The following FOXN2 variants were observed in gnomAD, a reference collection of about 807,000 sequenced individuals.
The protein encoded by FOXN2 is forkhead box protein N2.
Under a neutral mutation model 41.2 loss-of-function variants are expected in FOXN2, and 19 were observed. That is an observed-to-expected ratio of 0.46 (90% confidence interval 0.32 to 0.68). The LOEUF is 0.68. Ranked by LOEUF, FOXN2 falls within the 30% of genes least tolerant of loss-of-function variation. FOXN2 has a pLI of 0.03. For missense variants in FOXN2, 587 were observed against 509.4 expected, an observed-to-expected ratio of 1.15 and a Z score of -1.47; for synonymous variants, 195 against 176.8, an observed-to-expected ratio of 1.10 and a Z score of -0.82.
intron 2 of FOXN2, chr2:48,340,731 A>G (rs1312852148): frequency 6.6e-6 from 1 of 152,174 alleles, no homozygotes; most frequent in African/African-American, 2.4e-5. Flanking sequence ...ACTATATCGC[A>G]AGTAATTGCA....
intron 4 of FOXN2, among the ~76,000 whole-genome samples, 157 bp from the exon 5 acceptor site, chr2:48,362,486 C>G (rs2104473941): frequency 6.6e-6 from 1 of 152,276 alleles, no homozygotes; most frequent in African/African-American, 2.4e-5. Flanking sequence ...GGAGGATCAC[C>G]TGAGCTCAGA....
chr2:48,316,137 T>C (rs572320300), intron 1 of FOXN2, among the ~76,000 whole-genome samples: 4 of 152,252 alleles, frequency 2.6e-5, no homozygotes, highest in African/African-American at 9.6e-5. Context: ...TTTATCTTGG[T>C]GGGAGAAGCT....
chr2:48,345,130 C>T (rs1007895340), intron 2 of FOXN2, among the ~76,000 whole-genome samples: 1 of 152,102 alleles, frequency 6.6e-6, no homozygotes, highest in Non-Finnish European at 1.5e-5. Context: ...ACAGTTCATA[C>T]CTTACTAAGA....
rs759137190 is a variant in FOXN2 at position 48,362,705 on chromosome 2, A to G, written c.701A>G (p.Lys234Arg). 4.3e-6 allele frequency: 7 copies of G among 1,612,732 alleles called. No individual in the cohort carries two copies. The Admixed American group carries it at 1.0e-4, about 23-fold the overall frequency. Residue 234 changes from lysine (K) to arginine (R), a missense_variant and splice_region_variant, in exon 5 of 7, where the codon AAA becomes AGA. Lys to Arg is a conservative substitution (Grantham distance 26). Coordinates refer to ENST00000340553, the MANE Select transcript of FOXN2 (RefSeq NM_002158.4). ...AAGCAGAACCAGGTGCGAAACCTCA[A>G]AGGTATGTGTGAATATCAGTACAGT... ...VIKQNQVRNL[K>R]ESDIDAAAAM...
intron 6 of FOXN2, among the ~76,000 whole-genome samples, chr2:48,374,245 C>CTAGG (rs1338809716): frequency 5.3e-5 from 8 of 151,930 alleles, no homozygotes; most frequent in Non-Finnish European, 1.2e-4. Context: ...AAATATATGA[C>CTAGG]TAGGTGGATC....
At chr2:48,359,277 T>C in intron 4 of FOXN2, 130 bp downstream of exon 4, 1 of 481,110 alleles carries the variant, frequency 2.1e-6, no homozygotes, top group Admixed American at 4.2e-5. Flanking sequence ...TTTATTTAGT[T>C]TTTAGTTTTT....
At chr2:48,323,679 G>A (rs961926620) in intron 1 of FOXN2, among the ~76,000 whole-genome samples, 1 of 152,000 alleles carries the variant, frequency 6.6e-6, no homozygotes, top group African/African-American at 2.4e-5. Flanking sequence ...TCCACATGTG[G>A]GTTCTCTTTA....
chr2:48,353,972 A>G (rs372230808), intron 3 of FOXN2, among the ~76,000 whole-genome samples: 3 of 152,028 alleles, frequency 2.0e-5, no homozygotes, highest in African/African-American at 7.2e-5. Context: ...TAGTGATTTT[A>G]TTCTTGAATT....
At chr2:48,373,439 G>A in intron 6 of FOXN2, 79 bp downstream of exon 6, 1 of 808,386 alleles carries the variant, frequency 1.2e-6, no homozygotes, top group Non-Finnish European at 2.0e-6. Context: ...AACTATTACA[G>A]ACAAAAATTA....
intron 3 of FOXN2, among the ~76,000 whole-genome samples, chr2:48,355,049 T>G (rs1460927203): frequency 1.3e-5 from 2 of 152,178 alleles, no homozygotes; most frequent in African/African-American, 4.8e-5. Context: ...TAGCAGATCA[T>G]ATTCTGATTT....
intron 1 of FOXN2, among the ~76,000 whole-genome samples, chr2:48,326,579 G>T (rs958754803): frequency 1.3e-5 from 2 of 152,152 alleles, no homozygotes; most frequent in African/African-American, 4.8e-5. Flanking sequence ...CACCATAGGG[G>T]TTTCCATTCA....
In FOXN2 at chr2:48,346,658, T is replaced by C; in HGVS notation, c.444T>C (p.Tyr148=). 6.2e-7 allele frequency: 1 copy of C among 1,614,126 alleles called. No individual in the cohort carries two copies. Among genetic ancestry groups the C allele is most frequent in the Non-Finnish European group, 8.5e-7 (1 of 1,179,992 alleles). ...GCTGGATTCTGGACCATTTTCCATATTTTGCTACTGCACCAACAGGCTGGA... is the reference window on the plus strand; with the variant it reads ...GCTGGATTCTGGACCATTTTCCATACTTTGCTACTGCACCAACAGGCTGGA... ...IYSWILDHFP[Y]FATAPTGWKN... is the part of the protein sequence containing the mutation. The change falls in exon 3 of 7, where the codon TAT becomes TAC. Residue 148 remains tyrosine, a synonymous_variant. Transcript: ENST00000340553.
chr2:48,324,194 ATTTTT>A (rs11407371), intron 1 of FOXN2, among the ~76,000 whole-genome samples: 1 of 132,354 alleles, frequency 7.6e-6, no homozygotes. Context: ...TTGCTCAGTA[ATTTTT>A]TTTTTTTTTT....
chr2:48,350,546 G>A (rs768209042), intron 3 of FOXN2, among the ~76,000 whole-genome samples: 14 of 152,210 alleles, frequency 9.2e-5, no homozygotes, highest in Non-Finnish European at 1.6e-4. Context: ...TTTTAGAGAA[G>A]AGTCCAGGAT....
intron 1 of FOXN2, among the ~76,000 whole-genome samples, chr2:48,317,958 C>G (rs1264362145): frequency 6.6e-6 from 1 of 152,022 alleles, no homozygotes; most frequent in East Asian, 1.9e-4. Context: ...GAAGGCTATC[C>G]CTGTCCTGCC....
At chr2:48,331,011 G>A (rs1669987285) in intron 2 of FOXN2, among the ~76,000 whole-genome samples, 1 of 152,108 alleles carries the variant, frequency 6.6e-6, no homozygotes. Context: ...CTTCTTTCCA[G>A]TTCTAGTAGA....
chr2:48,314,704 G>C lies in FOXN2; in HGVS notation c.-267G>C, dbSNP rs1010737473. ...GCCACTGCAGCTGCTGCTGCCTGCTGGTTGCCGCGTCTTCCCGGAGGCGAC... is the reference window on the plus strand; with the variant it reads ...GCCACTGCAGCTGCTGCTGCCTGCTCGTTGCCGCGTCTTCCCGGAGGCGAC... On this transcript the variant is annotated 5_prime_UTR_variant, in exon 1 of 7. Coordinates refer to ENST00000340553, the MANE Select transcript of FOXN2 (RefSeq NM_002158.4). The C allele has an allele frequency of 1.3e-5, 2 of 152,940 alleles. No individual in the cohort carries two copies. Among genetic ancestry groups the C allele is most frequent in the African/African-American group, 4.8e-5 (2 of 41,466 alleles). 9.5% of individuals were successfully genotyped at this position (152,940 alleles called of 1,614,324 possible).
chr2:48,337,332 T>C (rs1670433309), intron 2 of FOXN2, among the ~76,000 whole-genome samples: 1 of 151,776 alleles, frequency 6.6e-6, no homozygotes. Flanking sequence ...TTGTCTCCCT[T>C]TGTTGCTTAG....
chr2:48,356,524 T>C lies in FOXN2; in HGVS notation c.538-2523T>C, dbSNP rs568502390. Among the ~76,000 whole-genome samples, 48 of 152,338 alleles carry C rather than the reference T, an allele frequency of 3.2e-4. 1 individual carries two copies. Among genetic ancestry groups the C allele is most frequent in the African/African-American group, 1.0e-3 (43 of 41,582 alleles). On this transcript the variant is annotated intron_variant, in intron 3 of 6. Coordinates refer to ENST00000340553, the MANE Select transcript of FOXN2 (RefSeq NM_002158.4). ...ATCTTAAACATTATTACTATGAGAC[T>C]TTAGCTGGGAAACATGGAATTAAAT...
Sources: gnomAD v4.1 joint callset for allele counts (sites outside exome capture counted in the v4.1 genomes callset) on GRCh38, gnomAD v4.1.1 for gene constraint, MANE v1.5 for transcripts, NCBI Gene and HGNC (gene_info 2026-07-23, HGNC 2026-07-21) for gene names.